TXNRD1: variants seen among roughly 807,000 people sequenced by gnomAD.
TXNRD1 encodes thioredoxin reductase 1, cytoplasmic.
A neutral mutation model predicts 80.3 loss-of-function variants in TXNRD1; 57 were observed. That is an observed-to-expected ratio of 0.71 (90% CI 0.57 to 0.89). The LOEUF is 0.89. Among genes scored for constraint, TXNRD1 ranks in the 40% least tolerant of loss-of-function variants. The pLI is 0.00. For missense variants in TXNRD1, 730 were observed against 803.0 expected (o/e 0.91, Z 1.10); for synonymous variants, 291 against 285.2 (o/e 1.02, Z -0.20).
intron 3 of TXNRD1, among the ~76,000 whole-genome samples, chr12:104,276,909 G>T (rs974396005): frequency 8.5e-5 from 13 of 152,188 alleles, no homozygotes; most frequent in Admixed American, 2.6e-4. Flanking sequence ...GGTTCTAAGA[G>T]TGGGGACATG....
intron 4 of TXNRD1, among the ~76,000 whole-genome samples, chr12:104,307,228 T>G (rs892001586): frequency 2.6e-5 from 4 of 152,196 alleles, no homozygotes; most frequent in African/African-American, 7.2e-5. Flanking sequence ...ACTGCAAATC[T>G]GCTTGTTTCT....
intron 4 of TXNRD1, among the ~76,000 whole-genome samples, chr12:104,290,739 A>ATAT (rs1384366426): frequency 9.0e-6 from 1 of 111,232 alleles, no homozygotes; most frequent in Non-Finnish European, 1.8e-5. Flanking sequence ...ATATATATAT[A>ATAT]TATATATATA....
intron 3 of TXNRD1, among the ~76,000 whole-genome samples, chr12:104,267,414 A>G (rs2033528649): frequency 6.6e-6 from 1 of 151,648 alleles, no homozygotes; most frequent in Non-Finnish European, 1.5e-5. Context: ...AGTAGATGGG[A>G]GTACAGGTAT....
At chr12:104,251,116 T>TAA in intron 1 of TXNRD1, among the ~76,000 whole-genome samples, 1 of 152,338 alleles carries the variant, frequency 6.6e-6, no homozygotes, top group South Asian at 2.1e-4. Context: ...TCTGCCCCTA[T>TAA]GTCTGTAAGC....
At chr12:104,347,593 C>T (rs914463338) in intron 16 of TXNRD1, among the ~76,000 whole-genome samples, 6 of 152,182 alleles carry the variant, frequency 3.9e-5, no homozygotes, top group Non-Finnish European at 7.3e-5. Flanking sequence ...TGTACTCCAG[C>T]TCTGTGTGCA....
At chr12:104,322,952 C>T (rs971600419) in intron 10 of TXNRD1, among the ~76,000 whole-genome samples, 2 of 137,504 alleles carry the variant, frequency 1.5e-5, no homozygotes, top group Non-Finnish European at 3.1e-5. Flanking sequence ...ACCCTGCGGC[C>T]TTCCGCGGTG....
chr12:104,277,121 G>A (rs1162084148), intron 3 of TXNRD1, among the ~76,000 whole-genome samples: 2 of 151,770 alleles, frequency 1.3e-5, no homozygotes, highest in African/African-American at 4.8e-5. Context: ...GCCGGGTGCG[G>A]TGGCTCATGA....
rs772202256 is a variant in TXNRD1 at position 104,302,486 on chromosome 12, C to CTTTTTTTTTTTTTTTTTTTT, written c.415-8802_415-8783dup. Among the ~76,000 whole-genome samples the CTTTTTTTTTTTTTTTTTTTT allele has an allele frequency of 5.0e-4, 38 of 76,234 alleles. 6 individuals are homozygous for CTTTTTTTTTTTTTTTTTTTT. The highest frequency in any genetic ancestry group is 1.1e-3 in the South Asian group (2 of 1,792). The allele number at this position is 76,234 out of a possible 152,430, so 50.0% of individuals were successfully genotyped here. On this transcript the variant is annotated intron_variant, in intron 4 of 16. Transcript: ENST00000525566. ...TTTAAAAACCAGATGTATTCATTCC[C>CTTTTTTTTTTTTTTTTTTTT]TTTTTTTTTTTTTTTTTTTTTGAGA...
intron 1 of TXNRD1, among the ~76,000 whole-genome samples, chr12:104,247,107 GC>G (rs1340053348): frequency 2.6e-5 from 4 of 151,528 alleles, no homozygotes; most frequent in Non-Finnish European, 4.4e-5. Flanking sequence ...TCTCACGGTC[GC>G]CCAGGCTGCA....
intron 6 of TXNRD1, among the ~76,000 whole-genome samples, chr12:104,314,942 C>T (rs549026845): frequency 2.6e-5 from 4 of 152,050 alleles, no homozygotes; most frequent in South Asian, 2.1e-4. Flanking sequence ...AGGGTTTCAC[C>T]GTTTTGGCCA....
At chr12:104,296,553 C>T (rs1037397537) in intron 4 of TXNRD1, among the ~76,000 whole-genome samples, 1 of 152,210 alleles carries the variant, frequency 6.6e-6, no homozygotes, top group Admixed American at 6.5e-5. Context: ...GGAATACAGG[C>T]ATGTACCACC....
intron 13 of TXNRD1, among the ~76,000 whole-genome samples, chr12:104,329,149 G>A (rs2035867696): frequency 6.6e-6 from 1 of 152,074 alleles, no homozygotes; most frequent in Admixed American, 6.6e-5. Context: ...ATTATTGAGG[G>A]AATAGCAGTT....
At chr12:104,273,684 G>T (rs921747480) in intron 3 of TXNRD1, among the ~76,000 whole-genome samples, 2 of 152,218 alleles carry the variant, frequency 1.3e-5, no homozygotes, top group Non-Finnish European at 1.5e-5. Context: ...AGCAAGTACC[G>T]CCCCGACCTG....
At chr12:104,317,773 C>T (rs1775222316) in intron 7 of TXNRD1, among the ~76,000 whole-genome samples, 1 of 152,220 alleles carries the variant, frequency 6.6e-6, no homozygotes, top group Non-Finnish European at 1.5e-5. Flanking sequence ...GAGTTCAAGG[C>T]TGCAGTGAGC....
At chr12:104,289,804 A>G (rs1307043368) in intron 4 of TXNRD1, among the ~76,000 whole-genome samples, 2 of 151,698 alleles carry the variant, frequency 1.3e-5, no homozygotes, top group Non-Finnish European at 1.5e-5. Flanking sequence ...GTGATCTTGT[A>G]TCACTGCAAC....
chr12:104,245,204 C>T (rs1327652632), intron 1 of TXNRD1, among the ~76,000 whole-genome samples: 1 of 151,210 alleles, frequency 6.6e-6, no homozygotes, highest in East Asian at 1.9e-4. Context: ...TAAAGCTAGT[C>T]GTCACAAATA....
At position 104,258,077 on chromosome 12, in the gene TXNRD1, C is replaced by T. The variant is rs1383876777; in HGVS notation, c.302C>T (p.Thr101Ile). ...TATTTTGTGCTTGAACTTGATCAAA[C>T]AGGTAAGTTTCTGTTTAATATGTAA... is the stretch of plus-strand genomic sequence containing the variant. The part of the protein sequence containing the change: ...VPYFVLELDQ[T>I]EDGRALEGTL... Residue 101 changes from threonine to isoleucine, a missense_variant and splice_region_variant, in exon 3 of 17, where the codon ACA (threonine) becomes ATA (isoleucine). Transcript: ENST00000525566. The T allele has an allele frequency of 6.5e-7, 1 of 1,547,590 alleles. No homozygotes were observed. Among genetic ancestry groups the T allele is most frequent in the Admixed American group, 2.0e-5 (1 of 50,498 alleles).
intron 12 of TXNRD1, among the ~76,000 whole-genome samples, chr12:104,327,287 G>C (rs891032278): frequency 2.6e-5 from 4 of 152,200 alleles, no homozygotes; most frequent in Middle Eastern, 3.4e-3. Flanking sequence ...TCCATTCTCA[G>C]ATTTCTTAGA....
chr12:104,228,072 C>T (rs1019844111), intron 1 of TXNRD1, among the ~76,000 whole-genome samples: 2 of 151,936 alleles, frequency 1.3e-5, no homozygotes, highest in Non-Finnish European at 2.9e-5. Flanking sequence ...GGAAGCCGAG[C>T]GGGGCAGATC....
Sources: gnomAD v4.1 joint callset for allele counts (sites outside exome capture counted in the v4.1 genomes callset) on GRCh38, gnomAD v4.1.1 for gene constraint, MANE v1.5 for transcripts, NCBI Gene and HGNC (gene_info 2026-07-23, HGNC 2026-07-21) for gene names.